CTNNA3: variants seen among roughly 807,000 people sequenced by gnomAD.
The protein encoded by CTNNA3 is catenin alpha-3.
A neutral mutation model predicts 95.7 loss-of-function variants in CTNNA3; 76 were observed. The ratio of observed to expected loss-of-function variants is 0.79; its 90% CI spans 0.66 to 0.96. CTNNA3 has a LOEUF of 0.96. Among genes scored for constraint, CTNNA3 ranks in the 40% least tolerant of loss-of-function variants. The probability of loss-of-function intolerance (pLI) is 0.00; values close to 1 mark genes in which losing one functional copy is unlikely to be tolerated. For synonymous variants in CTNNA3, 431 were observed against 374.4 expected, an observed-to-expected ratio of 1.15 and a Z score of -1.74; for missense variants, 1,191 against 1,089.8, an observed-to-expected ratio of 1.09 and a Z score of -1.31.
At position 66,927,694 on chromosome 10, in the gene CTNNA3, T is replaced by C; in HGVS notation, c.1048-152170A>G. On this transcript the variant is annotated intron_variant, in intron 7 of 17. Coordinates refer to ENST00000433211, the MANE Select transcript of CTNNA3 (RefSeq NM_013266.4). The surrounding 1 kb of genome is among the most constrained non-coding windows in gnomAD (Gnocchi z 4.7). ...CTGGAGCTCCTTACAAAGGCTTGAT[T>C]TATCAGGCAATGAGATCGAAGCTTT... 1 of 1,614,166 alleles carries C rather than the reference T, an allele frequency of 6.2e-7. No individual in the cohort carries two copies. The highest frequency in any genetic ancestry group is 8.5e-7 in the Non-Finnish European group (1 of 1,180,032).
intron 3 of CTNNA3, among the ~76,000 whole-genome samples, chr10:67,572,314 T>C (rs1200810374): frequency 1.3e-5 from 2 of 152,168 alleles, no homozygotes; most frequent in African/African-American, 2.4e-5. Flanking sequence ...AGCTAAAGTA[T>C]AGCTCTAACT....
chr10:67,736,787 C>T (rs928275949), intron 1 of CTNNA3, among the ~76,000 whole-genome samples: 1 of 151,996 alleles, frequency 6.6e-6, no homozygotes, highest in African/African-American at 2.4e-5. Context: ...TTAGATTTAA[C>T]TAGACTTAAC....
intron 3 of CTNNA3, among the ~76,000 whole-genome samples, chr10:67,549,229 G>A (rs1203352296): frequency 1.3e-5 from 2 of 152,028 alleles, no homozygotes; most frequent in East Asian, 1.9e-4. Flanking sequence ...GTAAAAACTA[G>A]TGAGTAATTA....
At chr10:66,863,702 T>G (rs1844048252) in intron 7 of CTNNA3, among the ~76,000 whole-genome samples, 1 of 152,092 alleles carries the variant, frequency 6.6e-6, no homozygotes, top group South Asian at 2.1e-4. Flanking sequence ...AGAAATGTAC[T>G]GGAAAAGCAA....
At chr10:66,300,694 C>T (rs925383376) in intron 12 of CTNNA3, among the ~76,000 whole-genome samples, 5 of 151,434 alleles carry the variant, frequency 3.3e-5, no homozygotes, top group Admixed American at 3.3e-4. Context: ...GCCCAGTGCT[C>T]TTTAAAAGTA....
intron 5 of CTNNA3, among the ~76,000 whole-genome samples, chr10:67,231,788 A>C (rs1311448038): frequency 1.3e-5 from 2 of 152,234 alleles, no homozygotes; most frequent in South Asian, 2.1e-4. Flanking sequence ...ATGTATAACC[A>C]CAAGAACCAA....
At chr10:66,331,362 T>TTTTTTTTTTTTTTTTTTTTTTTG in intron 12 of CTNNA3, among the ~76,000 whole-genome samples, 1 of 130,218 alleles carries the variant, frequency 7.7e-6, no homozygotes, top group East Asian at 2.2e-4. Flanking sequence ...TTTTTTTTTT[T>TTTTTTTTTTTTTTTTTTTTTTTG]TTTTTTTTTG....
chr10:65,954,219 T>G (rs528780607), intron 17 of CTNNA3, among the ~76,000 whole-genome samples: 7 of 152,082 alleles, frequency 4.6e-5, no homozygotes, highest in Non-Finnish European at 8.8e-5. Flanking sequence ...CTTCGCCCAC[T>G]TTTTGATGGG....
chr10:66,333,296 C>T (rs2092353945), intron 12 of CTNNA3, among the ~76,000 whole-genome samples: 2 of 151,952 alleles, frequency 1.3e-5, no homozygotes, highest in Admixed American at 1.3e-4. Context: ...GCTCTTGCTT[C>T]TCTAGTTCTT....
intron 11 of CTNNA3, among the ~76,000 whole-genome samples, chr10:66,457,176 G>T (rs1423469134): frequency 6.6e-6 from 1 of 152,038 alleles, no homozygotes; most frequent in African/African-American, 2.4e-5. Flanking sequence ...AATAGCAAAA[G>T]CACAATCAAT....
rs1475036237 is a variant in CTNNA3 at position 66,859,886 on chromosome 10, A to T, written c.1048-84362T>A. 2.4e-4 allele frequency among the ~76,000 whole-genome samples: 32 copies of T among 132,012 alleles called. 1 individual carries two copies. The highest frequency in any genetic ancestry group is 7.1e-3 in the Middle Eastern group (2 of 282). The allele number at this position is 132,012 out of a possible 152,430, so 86.6% of individuals were successfully genotyped here. On this transcript the variant is annotated intron_variant, in intron 7 of 17. Coordinates refer to ENST00000433211, the MANE Select transcript of CTNNA3 (RefSeq NM_013266.4). ...TTGTAGGGACATGGATGAAATTGGA[A>T]ATCATCATTCTCAGTAAACTATCGC...
intron 2 of CTNNA3, among the ~76,000 whole-genome samples, chr10:67,640,904 A>G (rs1006729445): frequency 6.6e-5 from 10 of 152,218 alleles, no homozygotes; most frequent in African/African-American, 1.4e-4. Flanking sequence ...TAAAAACCCT[A>G]GAAGAAAACC....
At chr10:67,738,975 C>G (rs1363232251) in intron 1 of CTNNA3, among the ~76,000 whole-genome samples, 3 of 152,126 alleles carry the variant, frequency 2.0e-5, no homozygotes, top group Non-Finnish European at 4.4e-5. Context: ...ATTGGTGTAC[C>G]TGAAAGTGAC....
intron 7 of CTNNA3, among the ~76,000 whole-genome samples, chr10:66,870,332 C>T (rs1004913900): frequency 1.3e-5 from 2 of 152,106 alleles, no homozygotes; most frequent in African/African-American, 2.4e-5. Flanking sequence ...TGTTTTGCTA[C>T]GGCTATTAAT....
chr10:67,648,118 C>T (rs983547326), intron 1 of CTNNA3, among the ~76,000 whole-genome samples: 1 of 152,004 alleles, frequency 6.6e-6, no homozygotes, highest in Non-Finnish European at 1.5e-5. Context: ...CCTGAGAAGG[C>T]ATTGATATTT....
chr10:67,045,144 G>T (rs1016284255), intron 7 of CTNNA3, among the ~76,000 whole-genome samples: 4 of 152,150 alleles, frequency 2.6e-5, no homozygotes, highest in Non-Finnish European at 5.9e-5. Context: ...TACAGTAAAT[G>T]CTGAAGCATA....
chr10:67,320,388 G>A (rs1841263321), intron 5 of CTNNA3, among the ~76,000 whole-genome samples: 1 of 152,120 alleles, frequency 6.6e-6, no homozygotes, highest in Non-Finnish European at 1.5e-5. Context: ...AATCCTGTCA[G>A]AATCAAAAAA....
At chr10:67,151,080 C>A (rs1861068640) in intron 7 of CTNNA3, among the ~76,000 whole-genome samples, 1 of 152,124 alleles carries the variant, frequency 6.6e-6, no homozygotes, top group South Asian at 2.1e-4. Flanking sequence ...ACTTTTTCTT[C>A]ATTTCCTCCT....
intron 13 of CTNNA3, among the ~76,000 whole-genome samples, chr10:66,157,380 T>C (rs2133921802): frequency 6.6e-6 from 1 of 152,042 alleles, no homozygotes; most frequent in African/African-American, 2.4e-5. Context: ...ATTCATTCCT[T>C]TTTATGGCTG....
Sources: gnomAD v4.1 joint callset for allele counts (sites outside exome capture counted in the v4.1 genomes callset) on GRCh38, gnomAD v4.1.1 for gene constraint, Gnocchi (gnomAD v3.1) non-coding constraint, MANE v1.5 for transcripts, NCBI Gene and HGNC (gene_info 2026-07-23, HGNC 2026-07-21) for gene names.